CTDSPL2: variants seen among roughly 807,000 people sequenced by gnomAD.
CTDSPL2 encodes the protein CTD small phosphatase like 2.
CTDSPL2 carries 5 observed loss-of-function variants against 60.0 expected under a neutral mutation model. The observed-to-expected ratio is 0.08, with a 90% confidence interval of 0.04 to 0.18. CTDSPL2 has a LOEUF of 0.18. Ranked by LOEUF, CTDSPL2 falls within the 10% of genes least tolerant of loss-of-function variation. CTDSPL2 has a pLI of 1.00. For missense variants in CTDSPL2, 370 were observed against 548.8 expected, an observed-to-expected ratio of 0.67 and a Z score of 3.26; for synonymous variants, 186 against 189.3, an observed-to-expected ratio of 0.98 and a Z score of 0.14.
chr15:44,499,142 G>A (rs2081348337), intron 7 of CTDSPL2, among the ~76,000 whole-genome samples: 1 of 152,034 alleles, frequency 6.6e-6, no homozygotes, highest in South Asian at 2.1e-4. Context: ...AGGCACGGTG[G>A]CTCACTTCTG....
At chr15:44,437,971 A>T (rs950913916) in intron 1 of CTDSPL2, among the ~76,000 whole-genome samples, 3 of 152,250 alleles carry the variant, frequency 2.0e-5, no homozygotes, top group Non-Finnish European at 2.9e-5. Flanking sequence ...CAGTGCTAAG[A>T]ATGTGGCAGC....
At chr15:44,503,331 CAT>C (rs754268329) in intron 8 of CTDSPL2, 1 of 152,086 alleles carries the variant, frequency 6.6e-6, no homozygotes, top group Non-Finnish European at 1.5e-5. Context: ...TTTTATTGCA[CAT>C]GTTTAATCTT....
At chr15:44,508,101 G>C (rs62024140) in intron 8 of CTDSPL2, among the ~76,000 whole-genome samples, 1 of 147,734 alleles carries the variant, frequency 6.8e-6, no homozygotes, top group African/African-American at 2.5e-5. Flanking sequence ...TTTTTTTTTG[G>C]AGACAGGGTT....
intron 2 of CTDSPL2, among the ~76,000 whole-genome samples, chr15:44,480,249 T>C (rs1446381292): frequency 2.0e-5 from 3 of 152,242 alleles, no homozygotes; most frequent in African/African-American, 7.2e-5. Context: ...TCATTTGCTG[T>C]TCTCAAATTG....
At chr15:44,501,257 A>G (rs987524906) in intron 8 of CTDSPL2, among the ~76,000 whole-genome samples, 1 of 152,108 alleles carries the variant, frequency 6.6e-6, no homozygotes, top group African/African-American at 2.4e-5. Flanking sequence ...CTATTAATTG[A>G]AAAATATAGA....
intron 1 of CTDSPL2, among the ~76,000 whole-genome samples, chr15:44,432,600 G>A (rs771927929): frequency 2.0e-5 from 3 of 150,944 alleles, no homozygotes; most frequent in Non-Finnish European, 2.9e-5. Context: ...GATTAGAGGC[G>A]TGAGCCACTG....
At position 44,490,841 on chromosome 15, in the gene CTDSPL2, A is replaced by G; in HGVS notation, c.533A>G (p.Gln178Arg). The G allele has an allele frequency of 1.2e-6, 2 of 1,613,870 alleles. No homozygotes were observed. The highest frequency in any genetic ancestry group is 1.7e-6 in the Non-Finnish European group (2 of 1,180,020). ...GTGGAAGCTGAAGAAATAGTAAAAC[A>G]ACTTGATATGGAACAGGTGGATGAG... ...QAVEAEEIVK[Q>R]LDMEQVDEIT... Residue 178 changes from glutamine to arginine, a missense_variant, in exon 5 of 13, where the codon CAA (glutamine) becomes CGA (arginine). This residue lies in a region of CTDSPL2 where 287 missense variants were observed against 296.1 expected (regional missense o/e 0.97). Transcript: ENST00000260327.
rs2081314406 is a variant in CTDSPL2, at chr15:44,497,193, G to A, written c.882+55G>A. 3.0e-6 allele frequency: 3 copies of A among 998,442 alleles called. No homozygotes were observed. The African/African-American group carries it at 4.9e-5, about 16-fold the overall frequency. 61.8% of individuals were successfully genotyped at this position (998,442 alleles called of 1,614,324 possible). ...AATAAAGGGGTGAAATTCTTTTTTAGAATCATGCTTATGTTAGCTTTCCCT... is the reference window on the plus strand; with the variant it reads ...AATAAAGGGGTGAAATTCTTTTTTAAAATCATGCTTATGTTAGCTTTCCCT... On this transcript the variant is annotated intron_variant, in intron 7 of 12. Coordinates refer to ENST00000260327, the MANE Select transcript of CTDSPL2 (RefSeq NM_016396.3).
intron 6 of CTDSPL2, 40 bp from the exon 7 acceptor site, chr15:44,496,987 A>G (rs753389725): frequency 2.4e-6 from 3 of 1,249,874 alleles, no homozygotes; most frequent in Non-Finnish European, 3.5e-6. Context: ...ATATGTATAA[A>G]AAGTAAAATG....
intron 3 of CTDSPL2, among the ~76,000 whole-genome samples, chr15:44,485,152 A>C (rs1049033107): frequency 3.9e-5 from 6 of 152,208 alleles, no homozygotes; most frequent in African/African-American, 1.4e-4. Flanking sequence ...ACTAGTGTCT[A>C]CTAGGTGGAT....
chr15:44,444,245 T>C (rs1251164810), intron 1 of CTDSPL2, among the ~76,000 whole-genome samples: 1 of 151,864 alleles, frequency 6.6e-6, no homozygotes, highest in Non-Finnish European at 1.5e-5. Flanking sequence ...GTTATGTGTG[T>C]TTTTGTTGTC....
chr15:44,445,221 G>A (rs536136765), intron 1 of CTDSPL2, among the ~76,000 whole-genome samples: 1 of 150,892 alleles, frequency 6.6e-6, no homozygotes, highest in East Asian at 2.0e-4. Flanking sequence ...TCTCACTCCG[G>A]CTGTTGCCCT....
chr15:44,464,166 C>T (rs1395571302), intron 2 of CTDSPL2, among the ~76,000 whole-genome samples: 1 of 152,146 alleles, frequency 6.6e-6, no homozygotes, highest in Non-Finnish European at 1.5e-5. Context: ...TGTACCACTA[C>T]GCCCGCAACA....
At chr15:44,516,149 G>C (rs1251601296) in intron 10 of CTDSPL2, among the ~76,000 whole-genome samples, 1 of 151,792 alleles carries the variant, frequency 6.6e-6, no homozygotes, top group East Asian at 1.9e-4. Context: ...AGTGTTTTTA[G>C]TAGAGATGGG....
rs770856271 is a variant in CTDSPL2, at chr15:44,497,093, G to A, written c.837G>A (p.Pro279=). The A allele has an allele frequency of 1.7e-5, 27 of 1,610,926 alleles. No individual in the cohort carries two copies. Among genetic ancestry groups the A allele is most frequent in the African/African-American group, 1.1e-4 (8 of 74,804 alleles). ...EEQLNRKPAL[P]LKTRSTPEFS... ...AACTAAATAGGAAACCTGCTCTTCCGTTGAAAACAAGAAGCACACCGGAAT... is the reference window on the plus strand; with the variant it reads ...AACTAAATAGGAAACCTGCTCTTCCATTGAAAACAAGAAGCACACCGGAAT... Residue 279 remains proline (P), a synonymous_variant, in exon 7 of 13, where the codon CCG becomes CCA. Coordinates refer to ENST00000260327, the MANE Select transcript of CTDSPL2 (RefSeq NM_016396.3).
At chr15:44,454,541 A>G (rs1445546152) in intron 1 of CTDSPL2, among the ~76,000 whole-genome samples, 1 of 152,154 alleles carries the variant, frequency 6.6e-6, no homozygotes, top group Non-Finnish European at 1.5e-5. Context: ...GTTTTCTTCT[A>G]GGGTTTTTAT....
chr15:44,505,920 AC>A (rs1341377380), intron 8 of CTDSPL2, among the ~76,000 whole-genome samples: 1 of 151,930 alleles, frequency 6.6e-6, no homozygotes, highest in Non-Finnish European at 1.5e-5. Flanking sequence ...TTTTGACTAA[AC>A]TTTTATTAAT....
At chr15:44,464,146 A>T (rs1013498259) in intron 2 of CTDSPL2, among the ~76,000 whole-genome samples, 1 of 152,112 alleles carries the variant, frequency 6.6e-6, no homozygotes, top group Non-Finnish European at 1.5e-5. Flanking sequence ...AGTAGCTGGG[A>T]CTACAGGCAT....
chr15:44,476,021 T>C (rs1379601693), intron 2 of CTDSPL2, among the ~76,000 whole-genome samples: 6 of 152,232 alleles, frequency 3.9e-5, no homozygotes, highest in Admixed American at 3.9e-4. Context: ...CAGCTCTTCT[T>C]ACCTCCCTGT....
Sources: allele counts gnomAD v4.1 joint callset (sites outside exome capture counted in the v4.1 genomes callset), GRCh38; gene constraint gnomAD v4.1.1; regional missense constraint gnomAD v4.1.1; transcripts MANE v1.5; gene names NCBI Gene and HGNC (gene_info 2026-07-23, HGNC 2026-07-21).